GLI2: variants seen among roughly 807,000 people sequenced by gnomAD.
GLI2 encodes the protein transcription activator GLI2.
Under a neutral mutation model 78.9 loss-of-function variants are expected in GLI2, and 22 were observed. The observed-to-expected ratio is 0.28, with a 90% CI of 0.20 to 0.40. GLI2 has a LOEUF of 0.40. Ranked by LOEUF, GLI2 falls within the 10% of genes least tolerant of loss-of-function variation. The probability of loss-of-function intolerance (pLI) is 1.00; values close to 1 mark genes in which losing one functional copy is unlikely to be tolerated. For missense variants in GLI2, 2,097 were observed against 2,213.2 expected (o/e 0.95, Z 1.05); for synonymous variants, 974 against 963.7 (o/e 1.01, Z -0.20).
intron 3 of GLI2, among the ~76,000 whole-genome samples, chr2:120,945,202 C>T (rs1680648857): frequency 6.6e-6 from 1 of 152,240 alleles, no homozygotes; most frequent in African/African-American, 2.4e-5. Context: ...GCATAGGCGT[C>T]CTCCACTGCA....
intron 2 of GLI2, among the ~76,000 whole-genome samples, chr2:120,880,140 A>G (rs1392804158): frequency 6.6e-6 from 1 of 152,114 alleles, no homozygotes; most frequent in Admixed American, 6.5e-5. Context: ...GGGGAAAGAA[A>G]GTTGTCTTAA....
chr2:120,848,718 G>C (rs561334048), intron 2 of GLI2, among the ~76,000 whole-genome samples: 1 of 152,334 alleles, frequency 6.6e-6, no homozygotes, highest in Admixed American at 6.5e-5. Context: ...CCACACTGGG[G>C]TGTGGGGACT....
intron 2 of GLI2, among the ~76,000 whole-genome samples, chr2:120,823,911 G>A (rs549210610): frequency 2.6e-4 from 40 of 152,342 alleles, no homozygotes; most frequent in African/African-American, 8.9e-4. Flanking sequence ...GCCATTCCAC[G>A]TCACTGTGTA....
At chr2:120,971,800 G>A (rs1373408333) in intron 7 of GLI2, 141 bp from the exon 8 acceptor site, 4 of 765,210 alleles carry the variant, frequency 5.2e-6, no homozygotes, top group Non-Finnish European at 9.3e-6. Flanking sequence ...GACTGAGCTG[G>A]GGACTCTATT....
chr2:120,788,022 CA>C (rs2104679523), intron 1 of GLI2, among the ~76,000 whole-genome samples: 1 of 152,320 alleles, frequency 6.6e-6, no homozygotes, highest in African/African-American at 2.4e-5. Context: ...AGGCACTGCT[CA>C]GGGGCAGGCC....
At position 120,992,652 on chromosome 2, in the gene GLI2, C is replaced by T. The variant is rs1683331274; in HGVS notation, c.*1977C>T. 1 of 152,174 alleles carries T rather than the reference C, an allele frequency of 6.6e-6. No homozygotes were observed. Among genetic ancestry groups the T allele is most frequent in the Non-Finnish European group, 1.5e-5 (1 of 68,032 alleles). The allele number at this position is 152,174 out of a possible 1,614,324, so 9.4% of individuals were successfully genotyped here. ...TGCCAAGAAATGTTTAATGCTGAGG[C>T]ATTTACTGGCTGTTTGTTTGTTGTC... On this transcript the variant is annotated 3_prime_UTR_variant, in exon 14 of 14. Coordinates refer to ENST00000361492, the MANE Select transcript of GLI2 (RefSeq NM_001374353.1).
intron 9 of GLI2, among the ~76,000 whole-genome samples, chr2:120,975,647 G>C (rs1014881027): frequency 2.0e-5 from 3 of 152,206 alleles, no homozygotes; most frequent in Admixed American, 1.3e-4. Flanking sequence ...TTGCTTAACA[G>C]TGCCTGAGTA....
At position 120,801,292 on chromosome 2, in the gene GLI2, C is replaced by G. The variant is rs7558320; in HGVS notation, c.148+3824C>G. On this transcript the variant is annotated intron_variant, in intron 2 of 13. Coordinates refer to ENST00000361492, the MANE Select transcript of GLI2 (RefSeq NM_001374353.1). Reference sequence around the variant, plus strand: ...TAGCTGGGATTACAGGTGCCCACCACCATGCCCGGCTAATTTTTGTATTTT... The same window carrying G: ...TAGCTGGGATTACAGGTGCCCACCAGCATGCCCGGCTAATTTTTGTATTTT... Among the ~76,000 whole-genome samples, 739 of 152,238 alleles carry G rather than the reference C, an allele frequency of 4.9e-3. 7 individuals carry two copies. Among genetic ancestry groups the G allele is most frequent in the African/African-American group, 0.017 (708 of 41,532 alleles).
At chr2:120,918,172 C>G (rs1260711113) in intron 2 of GLI2, among the ~76,000 whole-genome samples, 1 of 152,194 alleles carries the variant, frequency 6.6e-6, no homozygotes, top group African/African-American at 2.4e-5. Context: ...AGCCCAAACC[C>G]TGTGTATGTC....
At chr2:120,797,254 G>C in intron 1 of GLI2, 37 bp from the exon 2 acceptor site, 6 of 1,551,926 alleles carry the variant, frequency 3.9e-6, no homozygotes, top group Non-Finnish European at 5.3e-6. Context: ...CTGGGTTTGG[G>C]CTCAGTGTTG....
Position 120,865,791 on chromosome 2 carries a change from G to A in GLI2, c.149-61570G>A, listed in dbSNP as rs182649224. On this transcript the variant is annotated intron_variant, in intron 2 of 13. Coordinates refer to ENST00000361492, the MANE Select transcript of GLI2 (RefSeq NM_001374353.1). ...GGAGGGTATATGCGGTGCTCAGATAGTGCCAGCCAACGCCTGCTCATGCAG... is the reference window on the plus strand; with the variant it reads ...GGAGGGTATATGCGGTGCTCAGATAATGCCAGCCAACGCCTGCTCATGCAG... 1.1e-3 allele frequency among the ~76,000 whole-genome samples: 165 copies of A among 152,362 alleles called. 1 individual carries two copies. The highest frequency in any genetic ancestry group is 2.8e-3 in the African/African-American group (117 of 41,594).
intron 10 of GLI2, among the ~76,000 whole-genome samples, chr2:120,979,954 G>A (rs948640465): frequency 1.3e-5 from 2 of 152,214 alleles, no homozygotes; most frequent in African/African-American, 2.4e-5. Context: ...GTTCACCTGC[G>A]TTGTAGCATG....
intron 2 of GLI2, among the ~76,000 whole-genome samples, chr2:120,839,450 T>G (rs1305285523): frequency 6.6e-6 from 1 of 152,248 alleles, no homozygotes; most frequent in East Asian, 1.9e-4. Context: ...ATGTGTTCAT[T>G]TTTCTTGTTT....
intron 2 of GLI2, among the ~76,000 whole-genome samples, chr2:120,806,632 TA>T (rs1684965470): frequency 6.6e-6 from 1 of 152,086 alleles, no homozygotes; most frequent in Non-Finnish European, 1.5e-5. Flanking sequence ...CTGCCTGGCA[TA>T]TGGGGTCTGA....
chr2:120,752,217 ATGTATATGTG>A (rs1052323960), intron 1 of GLI2, among the ~76,000 whole-genome samples: 11 of 151,088 alleles, frequency 7.3e-5, no homozygotes, highest in Admixed American at 7.2e-4. Context: ...GTGTACATGT[ATGTATATGTG>A]TGTAGATCAT....
chr2:120,767,737 C>A (rs1343778757), intron 1 of GLI2, among the ~76,000 whole-genome samples: 1 of 152,214 alleles, frequency 6.6e-6, no homozygotes, highest in Non-Finnish European at 1.5e-5. Flanking sequence ...TGGGCTCTGG[C>A]CCCACCTGGG....
intron 2 of GLI2, among the ~76,000 whole-genome samples, chr2:120,814,762 T>G (rs78438817): frequency 0.013 from 1,952 of 152,024 alleles, 47 homozygotes; most frequent in African/African-American, 0.044. Context: ...GGAACAGTTT[T>G]GGGATTCCTG....
At position 120,737,025 on chromosome 2, in the gene GLI2, T is replaced by C. The variant is rs1195806688; in HGVS notation, c.-31+740T>C. Among the ~76,000 whole-genome samples the C allele has an allele frequency of 6.6e-6, 1 of 151,568 alleles. No homozygotes were observed. The highest frequency in any genetic ancestry group is 1.5e-5 in the Non-Finnish European group (1 of 67,918). ...CATCCCTGCCCCCCTACTCATCGTC[T>C]CTCCCCACCCCCGACAATCTCTCAA... is the stretch of plus-strand genomic sequence containing the variant. On this transcript the variant is annotated intron_variant, in intron 1 of 13. Coordinates refer to ENST00000361492, the MANE Select transcript of GLI2 (RefSeq NM_001374353.1). The surrounding 1 kb of genome is among the most constrained non-coding windows in gnomAD (Gnocchi z 4.3).
chr2:120,970,678 T>C, intron 7 of GLI2, 72 bp downstream of exon 7: 1 of 1,281,006 alleles, frequency 7.8e-7, no homozygotes, highest in Non-Finnish European at 1.1e-6. Flanking sequence ...CACTGCCAGC[T>C]CATGCTAAGA....
Sources: gnomAD v4.1 joint callset for allele counts (sites outside exome capture counted in the v4.1 genomes callset) on GRCh38, gnomAD v4.1.1 for gene constraint, Gnocchi (gnomAD v3.1) non-coding constraint, MANE v1.5 for transcripts, NCBI Gene and HGNC (gene_info 2026-07-23, HGNC 2026-07-21) for gene names.